Variants in PREX2 observed in about 807,000 individuals in gnomAD.
PREX2 encodes phosphatidylinositol-3,4,5-trisphosphate dependent Rac exchange factor 2.
A neutral mutation model predicts 203.2 loss-of-function variants in PREX2; 107 were observed. That is an observed-to-expected ratio of 0.53 (90% CI 0.45 to 0.62). The LOEUF is 0.62. Ranked by LOEUF, PREX2 falls within the 20% of genes least tolerant of loss-of-function variation. The probability of loss-of-function intolerance (pLI) is 0.00; values close to 1 mark genes in which losing one functional copy is unlikely to be tolerated. For synonymous variants in PREX2, 672 were observed against 663.6 expected, an observed-to-expected ratio of 1.01 and a Z score of -0.19; for missense variants, 1,777 against 1,955.9, an observed-to-expected ratio of 0.91 and a Z score of 1.72.
intron 37 of PREX2, among the ~76,000 whole-genome samples, chr8:68,194,292 A>G (rs908807601): frequency 6.6e-6 from 1 of 152,180 alleles, no homozygotes; most frequent in Non-Finnish European, 1.5e-5. Flanking sequence ...ATTGGGGGGA[A>G]ACGGTTGATA....
intron 9 of PREX2, among the ~76,000 whole-genome samples, chr8:68,054,760 C>T (rs925395179): frequency 1.2e-4 from 18 of 152,190 alleles, no homozygotes; most frequent in Admixed American, 9.8e-4. Context: ...TGAGCATGCT[C>T]GTGTTTTCAC....
At chr8:68,088,628 C>CT (rs1809773749) in intron 19 of PREX2, among the ~76,000 whole-genome samples, 1 of 151,876 alleles carries the variant, frequency 6.6e-6, no homozygotes, top group Non-Finnish European at 1.5e-5. Context: ...TATAACATTA[C>CT]TTTCATTATT....
chr8:68,117,945 T>G (rs750397907), intron 26 of PREX2, among the ~76,000 whole-genome samples: 60 of 152,186 alleles, frequency 3.9e-4, no homozygotes, highest in Admixed American at 3.3e-4. Context: ...ATGAAACAGA[T>G]TATAAAGAAT....
At chr8:68,095,803 A>G (rs1810052940) in intron 21 of PREX2, among the ~76,000 whole-genome samples, 3 of 152,046 alleles carry the variant, frequency 2.0e-5, no homozygotes, top group Non-Finnish European at 4.4e-5. Flanking sequence ...CACCATGCCC[A>G]GCTAATTTTT....
chr8:68,162,655 G>A (rs559290104), intron 35 of PREX2, among the ~76,000 whole-genome samples: 1 of 152,258 alleles, frequency 6.6e-6, no homozygotes, highest in Non-Finnish European at 1.5e-5. Flanking sequence ...GCTCAGAACA[G>A]AGGAGAGAGC....
At chr8:68,183,550 A>T (rs186811804) in intron 35 of PREX2, among the ~76,000 whole-genome samples, 1 of 152,300 alleles carries the variant, frequency 6.6e-6, no homozygotes, top group African/African-American at 2.4e-5. Flanking sequence ...GTGTATATGC[A>T]GTATTTTAAC....
At chr8:68,017,767 A>T (rs1807447749) in intron 1 of PREX2, 79 bp from the exon 2 acceptor site, 1 of 1,209,134 alleles carries the variant, frequency 8.3e-7, no homozygotes, top group Non-Finnish European at 1.2e-6. Flanking sequence ...GTTGTAAAGA[A>T]ATTAGTTTAA....
At chr8:68,010,534 A>T (rs1481153132) in intron 1 of PREX2, among the ~76,000 whole-genome samples, 2 of 152,234 alleles carry the variant, frequency 1.3e-5, no homozygotes, top group Admixed American at 6.5e-5. Flanking sequence ...GAAATATCAG[A>T]TAACATTTAC....
At chr8:68,216,916 T>C (rs1812851389) in intron 37 of PREX2, among the ~76,000 whole-genome samples, 1 of 146,498 alleles carries the variant, frequency 6.8e-6, no homozygotes, top group Non-Finnish European at 1.5e-5. Context: ...GAGCTGAGGA[T>C]GCGCCACTGC....
chr8:68,016,123 TATAAC>T (rs1807403573), intron 1 of PREX2, among the ~76,000 whole-genome samples: 1 of 152,236 alleles, frequency 6.6e-6, no homozygotes, highest in African/African-American at 2.4e-5. Context: ...TGATATAAGT[TATAAC>T]ATGCTTATAG....
At chr8:68,055,404 T>C (rs1808646384) in intron 9 of PREX2, among the ~76,000 whole-genome samples, 1 of 152,140 alleles carries the variant, frequency 6.6e-6, no homozygotes, top group African/African-American at 2.4e-5. Flanking sequence ...AAACCTTTCT[T>C]AACATTTCTC....
At chr8:68,123,448 A>G (rs371566038) in intron 30 of PREX2, among the ~76,000 whole-genome samples, 21 of 152,124 alleles carry the variant, frequency 1.4e-4, no homozygotes, top group African/African-American at 5.1e-4. Flanking sequence ...TGAATCTAGG[A>G]GTTGATTTTT....
chr8:68,069,768 T>C, intron 12 of PREX2, 67 bp from the exon 13 acceptor site: 2 of 737,590 alleles, frequency 2.7e-6, no homozygotes, highest in Non-Finnish European at 4.5e-6. Flanking sequence ...ATTTGTTACT[T>C]CAAAATTTCA....
At chr8:67,960,035 T>TTTAA (rs145839477) in intron 1 of PREX2, among the ~76,000 whole-genome samples, 37,130 of 150,438 alleles carry the variant, frequency 0.25, 5,044 homozygotes, top group East Asian at 0.52. Context: ...TTCTTTTCTT[T>TTTAA]TTAATTAATT....
At position 68,179,180 on chromosome 8, in the gene PREX2, T is replaced by C. The variant is rs1812037899; in HGVS notation, c.4347-12542T>C. Among the ~76,000 whole-genome samples the C allele has an allele frequency of 2.0e-5, 3 of 152,322 alleles. No individual in the cohort carries two copies. The South Asian group carries it at 6.2e-4, about 32-fold the overall frequency. Reference sequence around the variant, plus strand: ...TGAATGTTTGTGTGTCAGGGCAGTATAAATTGTTACACAGTTTGCATTGAC... The same window carrying C: ...TGAATGTTTGTGTGTCAGGGCAGTACAAATTGTTACACAGTTTGCATTGAC... On this transcript the variant is annotated intron_variant, in intron 35 of 39. Coordinates refer to ENST00000288368, the MANE Select transcript of PREX2 (RefSeq NM_024870.4).
chr8:68,100,013 C>T lies in PREX2; in HGVS notation c.2715+170C>T, dbSNP rs1315339352. Reference sequence around the variant, plus strand: ...TTTGAAATGGCTTAACATCCATTACCTCATTTGATCTTTGCAAACTTGTAA... The same window carrying T: ...TTTGAAATGGCTTAACATCCATTACTTCATTTGATCTTTGCAAACTTGTAA... On this transcript the variant is annotated intron_variant, in intron 23 of 39. Coordinates refer to ENST00000288368, the MANE Select transcript of PREX2 (RefSeq NM_024870.4). 4.0e-6 allele frequency: 3 copies of T among 746,066 alleles called. No individual in the cohort carries two copies. In the South Asian group the frequency reaches 4.1e-5, roughly 10 times the overall value. 46.2% of individuals were successfully genotyped at this position (746,066 alleles called of 1,614,324 possible).
intron 35 of PREX2, among the ~76,000 whole-genome samples, chr8:68,188,747 T>TG (rs1301291998): frequency 6.6e-6 from 1 of 152,098 alleles, no homozygotes; most frequent in Non-Finnish European, 1.5e-5. Flanking sequence ...GAGAACAGTA[T>TG]GGGGGAAACA....
intron 21 of PREX2, among the ~76,000 whole-genome samples, chr8:68,095,238 A>G (rs1439103678): frequency 6.6e-6 from 1 of 152,012 alleles, no homozygotes; most frequent in African/African-American, 2.4e-5. Flanking sequence ...ATTGGTGACT[A>G]AACTTGAACT....
intron 1 of PREX2, among the ~76,000 whole-genome samples, chr8:68,011,472 A>G (rs2129610000): frequency 6.6e-6 from 1 of 152,280 alleles, no homozygotes; most frequent in South Asian, 2.1e-4. Flanking sequence ...ATGGCAATTA[A>G]CATTCAGCTT....
Sources: allele counts gnomAD v4.1 joint callset (sites outside exome capture counted in the v4.1 genomes callset), GRCh38; gene constraint gnomAD v4.1.1; transcripts MANE v1.5; gene names NCBI Gene and HGNC (gene_info 2026-07-23, HGNC 2026-07-21).